PDE1C: variants seen among roughly 807,000 people sequenced by gnomAD.
PDE1C encodes dual specificity calcium/calmodulin-dependent 3',5'-cyclic nucleotide phosphodiesterase 1C.
A neutral mutation model predicts 93.1 loss-of-function variants in PDE1C; 62 were observed. The observed-to-expected ratio is 0.67, with a 90% CI of 0.54 to 0.82. The LOEUF is 0.82. Ranked by LOEUF, PDE1C falls within the 40% of genes least tolerant of loss-of-function variation. The pLI is 0.00. For synonymous variants in PDE1C, 325 were observed against 310.1 expected, an observed-to-expected ratio of 1.05 and a Z score of -0.50; for missense variants, 742 against 884.6, an observed-to-expected ratio of 0.84 and a Z score of 2.04.
At chr7:31,823,010 TAACTC>T (rs2128737868) in intron 14 of PDE1C, 58 bp downstream of exon 14, 6 of 1,373,850 alleles carry the variant, frequency 4.4e-6, no homozygotes, top group Non-Finnish European at 5.9e-6. Flanking sequence ...GTAACACACA[TAACTC>T]AGAGAGGACA....
intron 17 of PDE1C, among the ~76,000 whole-genome samples, chr7:31,757,959 A>C (rs1794575787): frequency 6.6e-6 from 1 of 152,216 alleles, no homozygotes; most frequent in Non-Finnish European, 1.5e-5. Flanking sequence ...ATGGAATACT[A>C]TGCAGCCATA....
rs1488095443 is a variant in PDE1C, at chr7:31,879,014, GC to G, written c.406del (p.Ala136LeufsTer18). Reference protein sequence around the residue: ...RFKSIVHAVQAGIFVERMYRR... With the variant: ...RFKSIVHAVQXGIFVERMYRR... ...TCTTTACCTCTCCACAAATATCCCA[GC>G]CTGCACTGCGTGAACGATGCTCTTG... On this transcript the variant is annotated frameshift_variant, in exon 4 of 18. Coordinates refer to ENST00000396191, the MANE Select transcript of PDE1C (RefSeq NM_001191057.4). LOFTEE classifies it high-confidence loss of function. 4.3e-6 allele frequency: 7 copies of G among 1,613,942 alleles called. No individual in the cohort carries two copies. The highest frequency in any genetic ancestry group is 5.9e-6 in the Non-Finnish European group (7 of 1,179,970).
chr7:31,734,367 G>C, the PDE1C span, among the ~76,000 whole-genome samples: 1 of 152,198 alleles, frequency 6.6e-6, no homozygotes, highest in African/African-American at 2.4e-5. Context: ...CAGAATTCTA[G>C]CAAAAGAGTC....
intron 1 of PDE1C, among the ~76,000 whole-genome samples, chr7:32,349,733 G>A (rs991254066): frequency 7.2e-5 from 11 of 152,032 alleles, no homozygotes; most frequent in East Asian, 1.9e-4. Context: ...GGGTTCAAGC[G>A]ATTCTTCTGC....
chr7:31,661,329 A>G, the PDE1C span, among the ~76,000 whole-genome samples: 2 of 152,176 alleles, frequency 1.3e-5, no homozygotes, highest in Non-Finnish European at 2.9e-5. Flanking sequence ...AGACATTGCA[A>G]AGCTATTGAC....
At chr7:32,365,486 G>A (rs1784212474) in intron 1 of PDE1C, among the ~76,000 whole-genome samples, 1 of 152,134 alleles carries the variant, frequency 6.6e-6, no homozygotes, top group South Asian at 2.1e-4. Context: ...ATTGTCCCTG[G>A]CAGACACATA....
chr7:31,866,959 C>T (rs1311520830), intron 6 of PDE1C, among the ~76,000 whole-genome samples: 2 of 152,068 alleles, frequency 1.3e-5, no homozygotes, highest in African/African-American at 2.4e-5. Context: ...GGAGCTCATG[C>T]TGGGTCCCAC....
At chr7:31,670,005 C>T in the PDE1C span, among the ~76,000 whole-genome samples, 2 of 152,146 alleles carry the variant, frequency 1.3e-5, no homozygotes, top group Non-Finnish European at 2.9e-5. Context: ...GCCTTCCTTC[C>T]ATCCCGTGAC....
chr7:32,309,636 A>G (rs2128904203), intron 1 of PDE1C, among the ~76,000 whole-genome samples: 1 of 152,364 alleles, frequency 6.6e-6, no homozygotes, highest in East Asian at 1.9e-4. Flanking sequence ...AGAATTTCAT[A>G]TCCAGCCAAA....
At chr7:32,405,491 T>C (rs1289791897) in intron 1 of PDE1C, among the ~76,000 whole-genome samples, 1 of 152,180 alleles carries the variant, frequency 6.6e-6, no homozygotes, top group Non-Finnish European at 1.5e-5. Flanking sequence ...CCTCAGGTGA[T>C]CTGCCCACCT....
chr7:32,370,776 T>TA lies in PDE1C; in HGVS notation c.310+57045dup, dbSNP rs1189797158. Among the ~76,000 whole-genome samples the TA allele has an allele frequency of 4.5e-5, 5 of 110,582 alleles. No individual in the cohort carries two copies. The Admixed American group carries it at 6.0e-4, about 13-fold the overall frequency. The allele number at this position is 110,582 out of a possible 152,430, so 72.5% of individuals were successfully genotyped here. ...CGTTGTGCACATGTACCCTAGAACT[T>TA]AAAGTATAATAATAAATAAATAAAT... is the stretch of plus-strand genomic sequence containing the variant. On this transcript the variant is annotated intron_variant, in intron 1 of 1. Coordinates refer to the PDE1C transcript ENST00000672256.
At chr7:32,290,535 A>T (rs1176397827) in intron 1 of PDE1C, among the ~76,000 whole-genome samples, 1 of 152,156 alleles carries the variant, frequency 6.6e-6, no homozygotes, top group Admixed American at 6.5e-5. Flanking sequence ...CCATTTACTA[A>T]TGAGGGCCTC....
intron 1 of PDE1C, among the ~76,000 whole-genome samples, chr7:32,278,603 T>G (rs1811437354): frequency 6.6e-6 from 1 of 152,236 alleles, no homozygotes; most frequent in Non-Finnish European, 1.5e-5. Flanking sequence ...TAAACCAGGT[T>G]GCCTAGCAAA....
intron 1 of PDE1C, among the ~76,000 whole-genome samples, chr7:32,381,286 G>A (rs573600399): frequency 2.0e-5 from 3 of 151,856 alleles, no homozygotes; most frequent in South Asian, 2.1e-4. Flanking sequence ...GGTTGGCCCC[G>A]TTTCCCTTAC....
intron 3 of PDE1C, among the ~76,000 whole-genome samples, chr7:32,155,143 C>T (rs1258906525): frequency 6.6e-6 from 1 of 152,212 alleles, no homozygotes; most frequent in Non-Finnish European, 1.5e-5. Context: ...AACCAGAGAA[C>T]ACAGACCTTC....
chr7:32,138,770 A>C (rs1800348444), intron 3 of PDE1C, among the ~76,000 whole-genome samples: 2 of 152,200 alleles, frequency 1.3e-5, no homozygotes, highest in Non-Finnish European at 2.9e-5. Flanking sequence ...CTTACAGTGA[A>C]ATTTTCTAAA....
chr7:31,656,821 T>G, the PDE1C span, among the ~76,000 whole-genome samples: 1 of 151,998 alleles, frequency 6.6e-6, no homozygotes, highest in Admixed American at 6.6e-5. Context: ...CTCCAAACAT[T>G]TAATGGTTTA....
At chr7:32,276,257 G>A (rs1385473701) in intron 1 of PDE1C, among the ~76,000 whole-genome samples, 2 of 152,120 alleles carry the variant, frequency 1.3e-5, no homozygotes, top group Admixed American at 6.6e-5. Context: ...GCAAACTGAG[G>A]CAAAGAGAAG....
the PDE1C span, among the ~76,000 whole-genome samples, chr7:31,645,342 A>G: frequency 1.3e-5 from 2 of 152,196 alleles, no homozygotes; most frequent in South Asian, 2.1e-4. Flanking sequence ...GAAAGTTTAA[A>G]TAATTTATCA....
Sources: allele counts gnomAD v4.1 joint callset (sites outside exome capture counted in the v4.1 genomes callset), GRCh38; gene constraint gnomAD v4.1.1; transcripts MANE v1.5; gene names NCBI Gene and HGNC (gene_info 2026-07-23, HGNC 2026-07-21).